The following SNX18 variants were observed in gnomAD, a reference collection of about 807,000 sequenced individuals.
The protein encoded by SNX18 is sorting nexin 18.
A neutral mutation model predicts 48.7 loss-of-function variants in SNX18; 35 were observed. The ratio of observed to expected loss-of-function variants is 0.72; its 90% CI spans 0.55 to 0.95. The LOEUF is 0.95. SNX18 is among the 40% of genes least tolerant of loss of function. The pLI, the probability that SNX18 is intolerant of heterozygous loss-of-function variation, is 0.00. For synonymous variants in SNX18, 492 were observed against 384.7 expected, an observed-to-expected ratio of 1.28 and a Z score of -3.26; for missense variants, 824 against 871.0, an observed-to-expected ratio of 0.95 and a Z score of 0.68.
chr5:54,533,367 A>G (rs1762286136), intron 1 of SNX18, among the ~76,000 whole-genome samples: 1 of 152,200 alleles, frequency 6.6e-6, no homozygotes, highest in African/African-American at 2.4e-5. Flanking sequence ...CCCACTTAGT[A>G]TGAATCCATG....
rs780212988 is a variant in SNX18 at position 54,519,431 on chromosome 5, C to T, written c.1479C>T (p.Ile493=). ...QAFSVGLNQA[I]AFTGDAYDAI... is the part of the protein sequence containing the mutation. ...TCTCGGTGGGCCTGAACCAGGCTATCGCCTTCACCGGAGATGCCTATGACG... is the reference window on the plus strand; with the variant it reads ...TCTCGGTGGGCCTGAACCAGGCTATTGCCTTCACCGGAGATGCCTATGACG... The change falls in exon 1 of 2, where the codon ATC becomes ATT. Residue 493 remains isoleucine (I), a synonymous_variant. Transcript: ENST00000381410. The T allele has an allele frequency of 1.9e-6, 3 of 1,612,344 alleles. No homozygotes were observed. Among genetic ancestry groups the T allele is most frequent in the Non-Finnish European group, 8.5e-7 (1 of 1,179,480 alleles).
chr5:54,586,674 C>G, the SNX18 span, among the ~76,000 whole-genome samples: 1 of 152,174 alleles, frequency 6.6e-6, no homozygotes, highest in Non-Finnish European at 1.5e-5. Flanking sequence ...CCCTTATGGC[C>G]TAATCACTTC....
rs185904231 is a variant in SNX18, at chr5:54,541,970, C to T, written c.1622-1209C>T. On this transcript the variant is annotated intron_variant, in intron 1 of 1. Transcript: ENST00000381410. ...AGTCTCTCAGTTTCTGTACCTCCTCCTACTCAAGGTTCCTGGTTCCCTCCT... is the reference window on the plus strand; with the variant it reads ...AGTCTCTCAGTTTCTGTACCTCCTCTTACTCAAGGTTCCTGGTTCCCTCCT... Among the ~76,000 whole-genome samples the T allele has an allele frequency of 4.1e-4, 63 of 152,280 alleles. 1 individual carries two copies. Among genetic ancestry groups the T allele is most frequent in the Middle Eastern group, 6.8e-3 (2 of 294 alleles).
At chr5:54,561,879 A>G in the SNX18 span, among the ~76,000 whole-genome samples, 1 of 152,346 alleles carries the variant, frequency 6.6e-6, no homozygotes, top group African/African-American at 2.4e-5. Flanking sequence ...CAGATATACA[A>G]TGGCAGAACC....
intron 1 of SNX18, among the ~76,000 whole-genome samples, chr5:54,530,656 G>C (rs2914963): frequency 6.6e-6 from 1 of 151,488 alleles, no homozygotes; most frequent in Admixed American, 6.6e-5. Context: ...TTAAGCTTCA[G>C]AGGAGCTTAA....
the SNX18 span, among the ~76,000 whole-genome samples, chr5:54,584,556 T>C: frequency 1.3e-5 from 2 of 152,084 alleles, no homozygotes; most frequent in Admixed American, 6.6e-5. Flanking sequence ...TTCGAAAAGA[T>C]TAATAATGAC....
At chr5:54,617,965 T>C in the SNX18 span, among the ~76,000 whole-genome samples, 59 of 152,258 alleles carry the variant, frequency 3.9e-4, no homozygotes, top group East Asian at 6.8e-3. Flanking sequence ...AGGATTATGA[T>C]GGAGGAAGGG....
the SNX18 span, among the ~76,000 whole-genome samples, chr5:54,582,293 C>A: frequency 6.6e-6 from 1 of 152,164 alleles, no homozygotes; most frequent in East Asian, 1.9e-4. Context: ...CAGATGGTAG[C>A]AGATGCCTGT....
the SNX18 span, among the ~76,000 whole-genome samples, chr5:54,578,895 C>G: frequency 6.6e-6 from 1 of 152,192 alleles, no homozygotes; most frequent in Non-Finnish European, 1.5e-5. Context: ...CAACAAGGAG[C>G]TGCTTCATCC....
chr5:54,591,681 C>T, the SNX18 span, among the ~76,000 whole-genome samples: 1 of 152,218 alleles, frequency 6.6e-6, no homozygotes, highest in Non-Finnish European at 1.5e-5. Flanking sequence ...TCTGCCCTTT[C>T]GAAGTTAGGT....
chr5:54,558,389 C>G, the SNX18 span, among the ~76,000 whole-genome samples: 1 of 152,134 alleles, frequency 6.6e-6, no homozygotes, highest in Non-Finnish European at 1.5e-5. Flanking sequence ...TCCATTCCAT[C>G]ATTCTTTTCT....
chr5:54,579,931 G>T, the SNX18 span, among the ~76,000 whole-genome samples: 1 of 151,970 alleles, frequency 6.6e-6, no homozygotes, highest in Non-Finnish European at 1.5e-5. Flanking sequence ...TTTTTCTTGG[G>T]TACAATATAT....
At chr5:54,530,240 C>G (rs72765729) in intron 1 of SNX18, among the ~76,000 whole-genome samples, 8,252 of 152,258 alleles carry the variant, frequency 0.054, 316 homozygotes, top group Middle Eastern at 0.1. Context: ...ATTACATATT[C>G]AGAGACCCTG....
At chr5:54,540,548 C>T (rs1018453550) in intron 1 of SNX18, among the ~76,000 whole-genome samples, 8 of 150,888 alleles carry the variant, frequency 5.3e-5, no homozygotes, top group Non-Finnish European at 8.9e-5. Context: ...TTGGTTGTTA[C>T]GGATGGACAT....
chr5:54,616,672 G>A, the SNX18 span, among the ~76,000 whole-genome samples: 5 of 152,226 alleles, frequency 3.3e-5, no homozygotes, highest in South Asian at 1.0e-3. Flanking sequence ...GGGAGGCTGA[G>A]GCACGAGAAT....
At chr5:54,624,553 G>GT in the SNX18 span, among the ~76,000 whole-genome samples, 1 of 152,138 alleles carries the variant, frequency 6.6e-6, no homozygotes, top group Non-Finnish European at 1.5e-5. Flanking sequence ...TACAAGTATC[G>GT]TATTTTAGTA....
intron 1 of SNX18, among the ~76,000 whole-genome samples, chr5:54,537,794 T>C (rs892548785): frequency 3.3e-5 from 5 of 152,230 alleles, no homozygotes; most frequent in Non-Finnish European, 5.9e-5. Context: ...TTGTGTTATT[T>C]AGATTCTGGG....
At chr5:54,574,083 A>G in the SNX18 span, among the ~76,000 whole-genome samples, 7 of 152,196 alleles carry the variant, frequency 4.6e-5, no homozygotes, top group African/African-American at 1.7e-4. Flanking sequence ...TCTGCTCCCT[A>G]TGGCATCAGC....
intron 1 of SNX18, among the ~76,000 whole-genome samples, chr5:54,527,589 C>T (rs1580098325): frequency 1.3e-5 from 2 of 152,210 alleles, no homozygotes; most frequent in Admixed American, 1.3e-4. Flanking sequence ...ATGCATTCTG[C>T]TCCATGTCTC....
Sources: allele counts gnomAD v4.1 joint callset (sites outside exome capture counted in the v4.1 genomes callset), GRCh38; gene constraint gnomAD v4.1.1; transcripts MANE v1.5; gene names NCBI Gene and HGNC (gene_info 2026-07-23, HGNC 2026-07-21).